The following TBL1X variants were observed in gnomAD, a reference collection of about 807,000 sequenced individuals.
TBL1X encodes the protein F-box-like/WD repeat-containing protein TBL1X.
Under a neutral mutation model 50.7 loss-of-function variants are expected in TBL1X, and 10 were observed. That is an observed-to-expected ratio of 0.20 (90% CI 0.12 to 0.33). The LOEUF is 0.33. Among genes scored for constraint, TBL1X ranks in the 10% least tolerant of loss-of-function variants. The pLI is 1.00. For synonymous variants in TBL1X, 190 were observed against 214.7 expected (o/e 0.88, Z 1.01); for missense variants, 340 against 504.4 (o/e 0.67, Z 3.12).
At chrX:9,623,832 A>G (rs1051557101) in intron 2 of TBL1X, among the ~76,000 whole-genome samples, 8 of 112,168 alleles carry the variant, frequency 7.1e-5, no homozygotes, top group African/African-American at 2.6e-4. Context: ...TGTCCACCTA[A>G]TTACTCACAC....
chrX:9,635,457 T>C (rs771433267), intron 2 of TBL1X, among the ~76,000 whole-genome samples: 13 of 108,812 alleles, frequency 1.2e-4, no homozygotes, highest in Non-Finnish European at 2.1e-4. Flanking sequence ...AAGCAGAAAA[T>C]GGTGCATCCT....
intron 2 of TBL1X, among the ~76,000 whole-genome samples, chrX:9,585,340 T>TCTCC (rs2082463541): frequency 5.2e-5 from 3 of 58,133 alleles, no homozygotes; most frequent in African/African-American, 1.9e-4. Flanking sequence ...CCCCCTCCCC[T>TCTCC]CCCCCCCCCG....
intron 3 of TBL1X, among the ~76,000 whole-genome samples, chrX:9,652,876 A>C (rs1346328704): frequency 2.7e-5 from 3 of 110,073 alleles, no homozygotes; most frequent in East Asian, 5.7e-4. Flanking sequence ...AGAAAGAAAG[A>C]AAAAAAGAGG....
intron 1 of TBL1X, among the ~76,000 whole-genome samples, chrX:9,484,149 C>G (rs2081898130): frequency 9.1e-6 from 1 of 110,189 alleles, no homozygotes; most frequent in Admixed American, 9.7e-5. Flanking sequence ...GGACTATAGG[C>G]GCATGCCACC....
At chrX:9,508,181 T>C (rs2082035683) in intron 2 of TBL1X, among the ~76,000 whole-genome samples, 1 of 112,214 alleles carries the variant, frequency 8.9e-6, no homozygotes, top group Non-Finnish European at 1.9e-5. Flanking sequence ...AGAAAACTTC[T>C]GCAATCTACC....
At chrX:9,685,058 G>A (rs899338519) in intron 6 of TBL1X, among the ~76,000 whole-genome samples, 3 of 112,323 alleles carry the variant, frequency 2.7e-5, no homozygotes, top group African/African-American at 9.7e-5. Flanking sequence ...TGGGGTAGGA[G>A]GATGGAAAAA....
chrX:9,532,346 A>G (rs1156930956), intron 2 of TBL1X, among the ~76,000 whole-genome samples: 1 of 111,826 alleles, frequency 8.9e-6, no homozygotes, highest in Non-Finnish European at 1.9e-5. Flanking sequence ...ATATCTTAAC[A>G]TTGGGGGTGA....
Position 9,477,573 on chromosome X carries a change from C to T in TBL1X, c.-201+12126C>T, listed in dbSNP as rs551090665. On this transcript the variant is annotated intron_variant, in intron 1 of 17. Coordinates refer to ENST00000645353, the MANE Select transcript of TBL1X (RefSeq NM_005647.4). ...CATTTGGCTTTGCCATAAATGTTTG[C>T]CCTTGGCTTGCCAAGACGTCAGCTT... Among the ~76,000 whole-genome samples, 129 of 112,101 alleles carry T rather than the reference C, an allele frequency of 1.2e-3. No individual in the cohort carries two copies. The Middle Eastern group carries it at 0.014, about 12-fold the overall frequency.
chrX:9,612,469 C>T (rs2082618566), intron 2 of TBL1X, among the ~76,000 whole-genome samples: 1 of 111,901 alleles, frequency 8.9e-6, no homozygotes. Flanking sequence ...ATTTATATTA[C>T]AACATCTTTT....
intron 2 of TBL1X, among the ~76,000 whole-genome samples, chrX:9,540,832 G>C (rs962415293): frequency 1.8e-5 from 2 of 112,031 alleles, no homozygotes; most frequent in Non-Finnish European, 3.8e-5. Flanking sequence ...ATTACTCTTA[G>C]TTGGTCCAGC....
chrX:9,534,382 T>G (rs777312096), intron 2 of TBL1X, among the ~76,000 whole-genome samples: 3 of 111,311 alleles, frequency 2.7e-5, no homozygotes, highest in Non-Finnish European at 5.7e-5. Context: ...TCGTATAGGG[T>G]TCTTTATGTG....
chrX:9,519,070 C>G (rs913132628), intron 2 of TBL1X, among the ~76,000 whole-genome samples: 2 of 111,170 alleles, frequency 1.8e-5, no homozygotes, highest in Non-Finnish European at 3.8e-5. Context: ...GTTGTGTCAC[C>G]TTGAGCCTGG....
At chrX:9,500,399 A>C (rs1055400793) in intron 1 of TBL1X, among the ~76,000 whole-genome samples, 1 of 109,845 alleles carries the variant, frequency 9.1e-6, no homozygotes, top group African/African-American at 3.3e-5. Context: ...GTTCAAGCCC[A>C]GCCTGGCCAA....
At chrX:9,535,270 A>G (rs2066887) in intron 2 of TBL1X, among the ~76,000 whole-genome samples, 37,325 of 111,003 alleles carry the variant, frequency 0.34, 4,533 homozygotes, top group East Asian at 0.55. Flanking sequence ...TTTGAGAGAC[A>G]GAGAGGAAGC....
chrX:9,575,196 TC>T (rs1454169985), intron 2 of TBL1X, among the ~76,000 whole-genome samples: 3 of 110,662 alleles, frequency 2.7e-5, no homozygotes, highest in East Asian at 5.7e-4. Flanking sequence ...AACCATTAGA[TC>T]TCGTGAGAAC....
At chrX:9,554,681 T>C (rs1601753245) in intron 2 of TBL1X, among the ~76,000 whole-genome samples, 2 of 112,552 alleles carry the variant, frequency 1.8e-5, no homozygotes, top group Middle Eastern at 4.6e-3. Context: ...TTATCATATA[T>C]ACACACATAC....
Position 9,477,360 on chromosome X carries a change from AC to A in TBL1X, c.-201+11914del, listed in dbSNP as rs758176694. ...CCATTCAGTGTTCTATATTTGGACA[AC>A]AAATATATTTTTCTGTATGGGTTTC... On this transcript the variant is annotated intron_variant, in intron 1 of 17. Transcript: ENST00000645353. 1.6e-4 allele frequency among the ~76,000 whole-genome samples: 18 copies of A among 112,242 alleles called. 1 individual carries two copies. Among genetic ancestry groups the A allele is most frequent in the Non-Finnish European group, 2.8e-4 (15 of 53,281 alleles).
intron 2 of TBL1X, among the ~76,000 whole-genome samples, chrX:9,585,339 C>CA (rs1180684422): frequency 1.4e-5 from 1 of 73,946 alleles, no homozygotes; most frequent in Non-Finnish European, 2.5e-5. Context: ...CCCCCCTCCC[C>CA]TCCCCCCCCC....
intron 2 of TBL1X, among the ~76,000 whole-genome samples, chrX:9,570,672 C>T (rs866636957): frequency 1.3e-4 from 10 of 77,955 alleles, no homozygotes; most frequent in East Asian, 9.2e-4. Context: ...TTTTTTTTTT[C>T]TTTTTGTTTT....
Sources: allele counts gnomAD v4.1 joint callset (sites outside exome capture counted in the v4.1 genomes callset), GRCh38; gene constraint gnomAD v4.1.1; transcripts MANE v1.5; gene names NCBI Gene and HGNC (gene_info 2026-07-23, HGNC 2026-07-21).